Variants in TRIQK observed in about 807,000 individuals in gnomAD.
The protein encoded by TRIQK is triple QxxK/R motif-containing protein.
TRIQK carries 10 observed loss-of-function variants against 10.8 expected under a neutral mutation model. That is an observed-to-expected ratio of 0.92 (90% CI 0.57 to 1.57). The LOEUF (loss-of-function observed/expected upper bound fraction) is 1.57. Among genes scored for constraint, TRIQK ranks in the 40% most tolerant of loss-of-function variants. The pLI is 0.00. For missense variants in TRIQK, 107 were observed against 97.7 expected (o/e 1.09, Z -0.40); for synonymous variants, 33 against 33.7 (o/e 0.98, Z 0.07).
At chr8:92,905,878 CT>C (rs1474578486) in intron 3 of TRIQK, among the ~76,000 whole-genome samples, 1 of 152,160 alleles carries the variant, frequency 6.6e-6, no homozygotes, top group African/African-American at 2.4e-5. Context: ...TCCTGGATTG[CT>C]ACCAAATGGA....
intron 3 of TRIQK, among the ~76,000 whole-genome samples, chr8:92,898,595 C>T (rs1316439026): frequency 6.6e-6 from 1 of 151,702 alleles, no homozygotes; most frequent in Non-Finnish European, 1.5e-5. Context: ...AGTACTTCTC[C>T]TCCATAGCTT....
At chr8:92,898,905 C>T (rs1460522260) in intron 3 of TRIQK, among the ~76,000 whole-genome samples, 1 of 132,502 alleles carries the variant, frequency 7.5e-6, no homozygotes, top group Non-Finnish European at 1.6e-5. Context: ...TTGATACAAG[C>T]ATATAATGCA....
chr8:92,907,362 C>A (rs1014604555), intron 3 of TRIQK, among the ~76,000 whole-genome samples: 1 of 152,176 alleles, frequency 6.6e-6, no homozygotes, highest in Admixed American at 6.5e-5. Context: ...ATTCACTTAA[C>A]AGTGTGTGTA....
intron 2 of TRIQK, among the ~76,000 whole-genome samples, chr8:92,940,549 T>G (rs1811217392): frequency 6.6e-6 from 1 of 152,150 alleles, no homozygotes; most frequent in African/African-American, 2.4e-5. Flanking sequence ...TATATAATAA[T>G]AAATGGACTT....
In TRIQK at chr8:93,001,394, C is replaced by T. The variant is rs539739579; in HGVS notation, c.-181+16215G>A. ...GTATATACCGCCTACAAAAGACTCA[C>T]TTCATCCGTAAGGACACACATAGAC... On this transcript the variant is annotated intron_variant, in intron 1 of 4. Coordinates refer to the TRIQK transcript ENST00000520686. Among the ~76,000 whole-genome samples the T allele has an allele frequency of 5.3e-5, 8 of 151,218 alleles. No homozygotes were observed. In the South Asian group the frequency reaches 1.7e-3, roughly 32 times the overall value.
chr8:92,900,808 T>G (rs921351516), intron 3 of TRIQK, among the ~76,000 whole-genome samples: 1 of 152,168 alleles, frequency 6.6e-6, no homozygotes, highest in Non-Finnish European at 1.5e-5. Context: ...GAGATTGCAT[T>G]GAATTTATAG....
intron 2 of TRIQK, among the ~76,000 whole-genome samples, chr8:92,917,976 A>T (rs954521232): frequency 6.6e-6 from 1 of 151,962 alleles, no homozygotes. Flanking sequence ...AGAAAAAGCA[A>T]TATTTGTCTT....
At chr8:92,888,718 A>G (rs1220080579) in intron 4 of TRIQK, among the ~76,000 whole-genome samples, 1 of 151,566 alleles carries the variant, frequency 6.6e-6, no homozygotes. Context: ...CAAACATAAC[A>G]TTTCAAGCTG....
intron 2 of TRIQK, among the ~76,000 whole-genome samples, chr8:92,931,985 G>A (rs1288540491): frequency 6.6e-6 from 1 of 152,144 alleles, no homozygotes; most frequent in African/African-American, 2.4e-5. Context: ...CACAATAGTA[G>A]GTTATGCTGA....
intron 1 of TRIQK, among the ~76,000 whole-genome samples, chr8:92,978,515 G>A (rs1812954513): frequency 6.6e-6 from 1 of 152,094 alleles, no homozygotes; most frequent in Admixed American, 6.6e-5. Flanking sequence ...GGGTCTAGGA[G>A]GATGTTTCAT....
chr8:92,918,316 T>C (rs11782446), intron 2 of TRIQK, among the ~76,000 whole-genome samples: 1 of 151,972 alleles, frequency 6.6e-6, no homozygotes, highest in Non-Finnish European at 1.5e-5. Context: ...TCCATAATGG[T>C]GTACCAATTT....
intron 1 of TRIQK, among the ~76,000 whole-genome samples, chr8:92,984,319 A>G (rs1813012017): frequency 6.6e-6 from 1 of 152,044 alleles, no homozygotes; most frequent in Non-Finnish European, 1.5e-5. Flanking sequence ...ATAGGTTATG[A>G]TATAAAAACA....
chr8:92,967,276 C>G (rs575267163), upstream of TRIQK, among the ~76,000 whole-genome samples: 1 of 149,120 alleles, frequency 6.7e-6, no homozygotes, highest in East Asian at 2.0e-4. Flanking sequence ...CTGATAGATA[C>G]GGTTGTAGTA....
At chr8:92,932,544 G>A (rs1019023009) in intron 2 of TRIQK, among the ~76,000 whole-genome samples, 110 of 152,108 alleles carry the variant, frequency 7.2e-4, no homozygotes, top group African/African-American at 2.5e-3. Flanking sequence ...AGTATTTGGT[G>A]TGGAGGTGCT....
At chr8:92,949,968 G>C (rs1055731338) in intron 2 of TRIQK, among the ~76,000 whole-genome samples, 9 of 151,988 alleles carry the variant, frequency 5.9e-5, no homozygotes, top group Admixed American at 5.9e-4. Context: ...AAGATTCTTA[G>C]GATATAAGAA....
intron 2 of TRIQK, among the ~76,000 whole-genome samples, chr8:92,917,310 T>C (rs182896026): frequency 5.9e-5 from 9 of 152,140 alleles, no homozygotes; most frequent in African/African-American, 2.2e-4. Flanking sequence ...AATCATGTAG[T>C]ATTTACTTAG....
chr8:92,934,045 G>A (rs556755712), intron 2 of TRIQK, among the ~76,000 whole-genome samples: 6 of 151,966 alleles, frequency 3.9e-5, no homozygotes, highest in African/African-American at 1.2e-4. Flanking sequence ...AAGTGTGAAA[G>A]AAATAAAAAC....
chr8:93,004,428 C>T (rs1386994938), intron 1 of TRIQK, among the ~76,000 whole-genome samples: 1 of 152,240 alleles, frequency 6.6e-6, no homozygotes, highest in African/African-American at 2.4e-5. Context: ...TGTTTCCCTC[C>T]TAGGCCTCCA....
In TRIQK at chr8:92,886,668, C is replaced by T; in HGVS notation, c.215G>A (p.Arg72Lys). ...ATCAGGGTCAACATCCGTGGTGAGT[C>T]TGAGATAAAAGAAAGCATAGAAAGC... ...LLAFYAFFYLRLTTDVDPDLD... is the reference protein window; with the variant it reads ...LLAFYAFFYLKLTTDVDPDLD... The change falls in exon 5 of 5, where the codon AGA becomes AAA. Residue 72 changes from arginine to lysine, a missense_variant. Coordinates refer to ENST00000521988, the MANE Select transcript of TRIQK (RefSeq NM_001171797.2). 1 of 1,531,566 alleles carries T rather than the reference C, an allele frequency of 6.5e-7. No homozygotes were observed. Among genetic ancestry groups the T allele is most frequent in the Non-Finnish European group, 8.7e-7 (1 of 1,143,224 alleles). The allele number at this position is 1,531,566 out of a possible 1,614,324, so 94.9% of individuals were successfully genotyped here. A position where few individuals can be genotyped will look rare whatever the true frequency, so the allele number is the denominator to read the frequency against.
Sources: allele counts gnomAD v4.1 joint callset (sites outside exome capture counted in the v4.1 genomes callset), GRCh38; gene constraint gnomAD v4.1.1; transcripts MANE v1.5; gene names NCBI Gene and HGNC (gene_info 2026-07-23, HGNC 2026-07-21).